PRKG1: variants seen among roughly 807,000 people sequenced by gnomAD.
PRKG1 encodes cGMP-dependent protein kinase 1.
Under a neutral mutation model 88.1 loss-of-function variants are expected in PRKG1, and 35 were observed. The ratio of observed to expected loss-of-function variants is 0.40; its 90% CI spans 0.30 to 0.53. The LOEUF is 0.53. PRKG1 is among the 20% of genes least tolerant of loss of function. The pLI is 0.59. For missense variants in PRKG1, 540 were observed against 839.8 expected (o/e 0.64, Z 4.41); for synonymous variants, 303 against 292.5 (o/e 1.04, Z -0.37).
chr10:51,774,127 G>T (rs1838375557), intron 3 of PRKG1, among the ~76,000 whole-genome samples: 1 of 151,892 alleles, frequency 6.6e-6, no homozygotes, highest in Non-Finnish European at 1.5e-5. Flanking sequence ...GTGATTTTGG[G>T]TAAGAAAATT....
In PRKG1 at chr10:51,416,011, G is replaced by C. The variant is rs529954379; in HGVS notation, c.479-51712G>C. Among the ~76,000 whole-genome samples, 8 of 152,034 alleles carry C rather than the reference G, an allele frequency of 5.3e-5. No individual in the cohort carries two copies. The South Asian group carries it at 1.7e-3, about 32-fold the overall frequency. On this transcript the variant is annotated intron_variant, in intron 2 of 17. Transcript: ENST00000373980. ...CACCACAAAGATTTCGTTGTCCTCA[G>C]AATTTATTAGAACTCATTATATTTA...
chr10:52,031,565 T>G (rs752167714), intron 5 of PRKG1, among the ~76,000 whole-genome samples: 1 of 152,228 alleles, frequency 6.6e-6, no homozygotes, highest in Admixed American at 6.5e-5. Flanking sequence ...TACACTGTCA[T>G]GAATATTAGT....
intron 3 of PRKG1, among the ~76,000 whole-genome samples, chr10:51,644,902 C>T (rs1839880363): frequency 6.6e-6 from 1 of 152,184 alleles, no homozygotes; most frequent in Non-Finnish European, 1.5e-5. Context: ...ATTCTCCCAC[C>T]TCAGCCTCCA....
intron 4 of PRKG1, among the ~76,000 whole-genome samples, chr10:51,818,020 C>G (rs1839637391): frequency 6.6e-6 from 1 of 151,980 alleles, no homozygotes; most frequent in Admixed American, 6.6e-5. Context: ...TATTTTAAGT[C>G]CTTTTGGACA....
intron 4 of PRKG1, among the ~76,000 whole-genome samples, chr10:51,818,609 T>G (rs112172197): frequency 0.013 from 1,973 of 152,246 alleles, 48 homozygotes; most frequent in African/African-American, 0.045. Flanking sequence ...TCTCTCCTAT[T>G]TAATCCCCAG....
At chr10:51,358,405 C>T (rs141636416) in intron 2 of PRKG1, among the ~76,000 whole-genome samples, 8 of 151,958 alleles carry the variant, frequency 5.3e-5, no homozygotes, top group Admixed American at 1.3e-4. Context: ...TAGACAGACA[C>T]AACTCTCAAG....
At chr10:52,230,140 T>G (rs1466115416) in intron 9 of PRKG1, among the ~76,000 whole-genome samples, 1 of 152,160 alleles carries the variant, frequency 6.6e-6, no homozygotes, top group Non-Finnish European at 1.5e-5. Context: ...AGGGAAAGGG[T>G]CAAACCCCAA....
intron 3 of PRKG1, among the ~76,000 whole-genome samples, chr10:51,614,690 C>T (rs1018924012): frequency 1.3e-5 from 2 of 151,880 alleles, no homozygotes; most frequent in African/African-American, 2.4e-5. Context: ...TCTTTCTCAT[C>T]TGTGTGTTTG....
intron 3 of PRKG1, among the ~76,000 whole-genome samples, chr10:51,574,593 C>T (rs1185673069): frequency 6.6e-6 from 1 of 151,892 alleles, no homozygotes; most frequent in East Asian, 1.9e-4. Flanking sequence ...GACTCATTAC[C>T]TCTTTTCGCA....
chr10:52,075,580 C>A (rs1311927553), intron 7 of PRKG1, among the ~76,000 whole-genome samples: 1 of 152,186 alleles, frequency 6.6e-6, no homozygotes, highest in Non-Finnish European at 1.5e-5. Flanking sequence ...AATGAAGAGT[C>A]CATAAATCAA....
intron 5 of PRKG1, among the ~76,000 whole-genome samples, chr10:51,926,268 G>C (rs1564711521): frequency 6.6e-6 from 1 of 152,162 alleles, no homozygotes; most frequent in Non-Finnish European, 1.5e-5. Flanking sequence ...TAACAAGAGA[G>C]AACAGTGAGG....
intron 9 of PRKG1, among the ~76,000 whole-genome samples, chr10:52,237,113 C>A (rs1199323511): frequency 2.6e-5 from 2 of 75,546 alleles, no homozygotes; most frequent in African/African-American, 7.2e-5. Context: ...TGACAAAATT[C>A]AACAACCCTT....
intron 5 of PRKG1, among the ~76,000 whole-genome samples, chr10:51,943,244 GCT>G (rs1485309814): frequency 1.3e-5 from 2 of 151,704 alleles, no homozygotes; most frequent in African/African-American, 4.9e-5. Flanking sequence ...TCATGATTTG[GCT>G]CTCTGTTTGT....
chr10:51,145,347 CA>C (rs767423622), intron 1 of PRKG1, among the ~76,000 whole-genome samples: 2 of 143,028 alleles, frequency 1.4e-5, no homozygotes, highest in Admixed American at 6.9e-5. Context: ...AAATATCTGA[CA>C]TTTTTTTTCT....
chr10:51,299,494 C>T (rs920452070), intron 2 of PRKG1: 2 of 459,656 alleles, frequency 4.4e-6, no homozygotes, highest in African/African-American at 2.0e-5. Context: ...GTGTGAGCCA[C>T]CATGCCCCGC....
intron 2 of PRKG1, among the ~76,000 whole-genome samples, chr10:51,420,818 G>A (rs1838389933): frequency 6.6e-6 from 1 of 152,160 alleles, no homozygotes; most frequent in Non-Finnish European, 1.5e-5. Flanking sequence ...CTTCTGCTGA[G>A]GCCTCAGGAA....
intron 3 of PRKG1, among the ~76,000 whole-genome samples, chr10:51,710,822 T>C (rs1841726370): frequency 1.3e-5 from 2 of 152,156 alleles, no homozygotes; most frequent in Non-Finnish European, 2.9e-5. Context: ...TGCCATGATA[T>C]ATCGTCCTGT....
chr10:51,417,816 C>T (rs1427251086), intron 2 of PRKG1, among the ~76,000 whole-genome samples: 1 of 152,200 alleles, frequency 6.6e-6, no homozygotes, highest in African/African-American at 2.4e-5. Flanking sequence ...GCACTGGGCA[C>T]TATGCCCCTA....
chr10:51,079,790 T>C (rs1395585338), intron 1 of PRKG1, among the ~76,000 whole-genome samples: 1 of 152,158 alleles, frequency 6.6e-6, no homozygotes, highest in African/African-American at 2.4e-5. Flanking sequence ...ACCATCACAG[T>C]CCTGTTAATA....
Sources: gnomAD v4.1 joint callset for allele counts (sites outside exome capture counted in the v4.1 genomes callset) on GRCh38, gnomAD v4.1.1 for gene constraint, MANE v1.5 for transcripts, NCBI Gene and HGNC (gene_info 2026-07-23, HGNC 2026-07-21) for gene names.